The following LRRN4CL variants were observed in gnomAD, a reference collection of about 807,000 sequenced individuals.
LRRN4CL encodes the protein LRRN4 C-terminal-like protein.
For missense variants in LRRN4CL, 348 were observed against 336.4 expected, an observed-to-expected ratio of 1.03 and a Z score of -0.27; for synonymous variants, 156 against 154.1, an observed-to-expected ratio of 1.01 and a Z score of -0.09.
Position 62,687,690 on chromosome 11 carries a change from C to T in LRRN4CL, c.*102G>A, listed in dbSNP as rs900271863. 2.9e-6 allele frequency: 3 copies of T among 1,031,936 alleles called. No homozygotes were observed. The highest frequency in any genetic ancestry group is 3.9e-6 in the Non-Finnish European group (3 of 776,572). 63.9% of individuals were successfully genotyped at this position (1,031,936 alleles called of 1,614,324 possible). ...AGCCTGGGGCTGGCTCCCAGCTCGCCGTCCAGCCCTCCCTGGAGGCAGCGG... is the reference window on the plus strand; with the variant it reads ...AGCCTGGGGCTGGCTCCCAGCTCGCTGTCCAGCCCTCCCTGGAGGCAGCGG... On this transcript the variant is annotated 3_prime_UTR_variant, in exon 2 of 2. Transcript: ENST00000317449.
Position 62,688,031 on chromosome 11 carries a change from C to A in LRRN4CL, c.478G>T (p.Gly160Trp), listed in dbSNP as rs1294784510. Residue 160 changes from glycine to tryptophan, a missense_variant, in exon 2 of 2, where the codon GGG becomes TGG. Transcript: ENST00000317449. ...VVCVVAANEAGASRVPQAGGE... is the reference protein window; with the variant it reads ...VVCVVAANEAWASRVPQAGGE... The stretch of plus-strand genomic sequence containing the variant: ...CCAGCCTGGGGCACGCGGCTTGCCC[C>A]GGCCTCGTTAGCGGCCACTACGCAA... 6.2e-7 allele frequency: 1 copy of A among 1,612,478 alleles called. No individual in the cohort carries two copies. The highest frequency in any genetic ancestry group is 8.5e-7 in the Non-Finnish European group (1 of 1,179,842).
In LRRN4CL at chr11:62,688,278, G is replaced by A; in HGVS notation, c.231C>T (p.Ser77=). The change falls in exon 2 of 2, where the codon TCC becomes TCT. Residue 77 remains serine, a synonymous_variant. Coordinates refer to ENST00000317449, the MANE Select transcript of LRRN4CL (RefSeq NM_203422.4). ...GPAACLCPGL[S]SPAQPPDPPR... ...GCGGGTCGGGCGGCTGGGCGGGGCT[G>A]GAGAGTCCTGGGCACAGGCAGGCCG... The A allele has an allele frequency of 6.2e-7, 1 of 1,609,494 alleles. No individual in the cohort carries two copies.
At chr11:62,689,201 T>C (rs1244402641) in intron 1 of LRRN4CL, among the ~76,000 whole-genome samples, 1 of 151,870 alleles carries the variant, frequency 6.6e-6, no homozygotes, top group African/African-American at 2.4e-5. Flanking sequence ...AACAAAAACA[T>C]GTATCCGTCA....
rs1000210611 is a variant in LRRN4CL, at chr11:62,687,734, G to A, written c.*58C>T. On this transcript the variant is annotated 3_prime_UTR_variant, in exon 2 of 2. Transcript: ENST00000317449. ...GCAGCGGGTTTTCCTCTTTCCCGGG[G>A]GCCAGGCTGAGCGCCCCAGGTGGGG... 4.0e-5 allele frequency: 52 copies of A among 1,312,510 alleles called. No individual in the cohort carries two copies. Among genetic ancestry groups the A allele is most frequent in the Non-Finnish European group, 4.8e-5 (49 of 1,024,830 alleles). The allele number at this position is 1,312,510 out of a possible 1,614,324, so 81.3% of individuals were successfully genotyped here.
In LRRN4CL at chr11:62,688,134, C is replaced by T. The variant is rs1027433943; in HGVS notation, c.375G>A (p.Ala125=). 6.2e-7 allele frequency: 1 copy of T among 1,612,338 alleles called. No homozygotes were observed. The highest frequency in any genetic ancestry group is 8.5e-7 in the Non-Finnish European group (1 of 1,179,760). The part of the protein sequence containing the change: ...WLLLWDGSEA[A]QKGPPLNATV... ...TAGCGTTCAGCGGGGGCCCCTTCTG[C>T]GCAGCCTCGCTGCCGTCCCAAAGCA... Residue 125 remains alanine, a synonymous_variant, in exon 2 of 2, where the codon GCG becomes GCA. Transcript: ENST00000317449.
rs1251354424 is a variant in LRRN4CL, at chr11:62,687,374, T to C, written c.*418A>G. ...GACTCCAACTCCTGGGCTCAAGAGA[T>C]CCTCCCATTTCAGCCTCTGGAGTAG... is the stretch of plus-strand genomic sequence containing the variant. On this transcript the variant is annotated 3_prime_UTR_variant, in exon 2 of 2. Coordinates refer to ENST00000317449, the MANE Select transcript of LRRN4CL (RefSeq NM_203422.4). The C allele has an allele frequency of 5.9e-6, 1 of 170,306 alleles. No homozygotes were observed. The highest frequency in any genetic ancestry group is 1.2e-5 in the Non-Finnish European group (1 of 80,904). The allele number at this position is 170,306 out of a possible 1,614,324, so 10.5% of individuals were successfully genotyped here. A position where few individuals can be genotyped will look rare whatever the true frequency, so the allele number is the denominator to read the frequency against.
chr11:62,687,583 C>T lies in LRRN4CL; in HGVS notation c.*209G>A. 1 of 423,052 alleles carries T rather than the reference C, an allele frequency of 2.4e-6. No homozygotes were observed. 26.2% of individuals were successfully genotyped at this position (423,052 alleles called of 1,614,324 possible). Reference sequence around the variant, plus strand: ...GGGCCCCTTTCTATTCCTTCCCAGACCTCAGCCAGGAAACAAAGCGCCAAG... The same window carrying T: ...GGGCCCCTTTCTATTCCTTCCCAGATCTCAGCCAGGAAACAAAGCGCCAAG... On this transcript the variant is annotated 3_prime_UTR_variant, in exon 2 of 2. Transcript: ENST00000317449.
In LRRN4CL at chr11:62,688,073, C is replaced by CT; in HGVS notation, c.435dup (p.Gly146ArgfsTer12). 6.2e-7 allele frequency: 1 copy of CT among 1,612,710 alleles called. No individual in the cohort carries two copies. The highest frequency in any genetic ancestry group is 8.5e-7 in the Non-Finnish European group (1 of 1,179,882). ...ACTACGCAAACGACATAAATGCCCC[C>CT]TGGCTTCAGCCCCTTCAGTTCGGCT... On this transcript the variant is annotated frameshift_variant, in exon 2 of 2. Coordinates refer to ENST00000317449, the MANE Select transcript of LRRN4CL (RefSeq NM_203422.4). LOFTEE classifies it low-confidence loss of function (END_TRUNC).
rs1357923114 is a variant in LRRN4CL at position 62,689,444 on chromosome 11, TGCA to T, written c.-26_-24del. On this transcript the variant is annotated 5_prime_UTR_variant, in exon 1 of 2. Coordinates refer to ENST00000317449, the MANE Select transcript of LRRN4CL (RefSeq NM_203422.4). ...CTCCTCACCAGTGGGTAGGCCTTGA[TGCA>T]GCGGGAATCCACCAGCTGACGTCTG... 6.6e-6 allele frequency: 1 copy of T among 152,574 alleles called. No individual in the cohort carries two copies. The highest frequency in any genetic ancestry group is 2.4e-5 in the African/African-American group (1 of 41,454). 9.5% of individuals were successfully genotyped at this position (152,574 alleles called of 1,614,324 possible). A position where few individuals can be genotyped will look rare whatever the true frequency, so the allele number is the denominator to read the frequency against.
Position 62,688,291 on chromosome 11 carries a change from C to A in LRRN4CL, c.218G>T (p.Cys73Phe), listed in dbSNP as rs1283613062. The A allele has an allele frequency of 6.2e-7, 1 of 1,609,082 alleles. No individual in the cohort carries two copies. The highest frequency in any genetic ancestry group is 8.5e-7 in the Non-Finnish European group (1 of 1,179,092). ...LQRVGPAACL[C>F]PGLSSPAQPP... ...CTGGGCGGGGCTGGAGAGTCCTGGG[C>A]ACAGGCAGGCCGCCGGCCCGACCCT... The change falls in exon 2 of 2, where the codon TGC becomes TTC. Residue 73 changes from cysteine (C) to phenylalanine (F), a missense_variant. Coordinates refer to ENST00000317449, the MANE Select transcript of LRRN4CL (RefSeq NM_203422.4).
chr11:62,688,151 C>A lies in LRRN4CL; in HGVS notation c.358G>T (p.Asp120Tyr), dbSNP rs765394466. 1 of 1,612,386 alleles carries A rather than the reference C, an allele frequency of 6.2e-7. No homozygotes were observed. Among genetic ancestry groups the A allele is most frequent in the Admixed American group, 1.7e-5 (1 of 59,984 alleles). Reference protein sequence around the residue: ...PVLHYWLLLWDGSEAAQKGPP... With the variant: ...PVLHYWLLLWYGSEAAQKGPP... The stretch of plus-strand genomic sequence containing the variant: ...CCCTTCTGCGCAGCCTCGCTGCCGT[C>A]CCAAAGCAGCAGCCAGTAGTGGAGG... The change falls in exon 2 of 2, where the codon GAC becomes TAC. Residue 120 changes from aspartate to tyrosine, a missense_variant. Transcript: ENST00000317449.
At position 62,686,504 on chromosome 11, in the gene LRRN4CL, T is replaced by C. The variant is rs1485549205; in HGVS notation, c.*1288A>G. On this transcript the variant is annotated 3_prime_UTR_variant, in exon 2 of 2. Coordinates refer to ENST00000317449, the MANE Select transcript of LRRN4CL (RefSeq NM_203422.4). ...AGATTCCTTGGTATTACTGTCGTTT[T>C]TGTTTTGTTTTACCTAGCAAGAATA... 3 of 152,102 alleles carry C rather than the reference T, an allele frequency of 2.0e-5. No individual in the cohort carries two copies. The highest frequency in any genetic ancestry group is 2.9e-5 in the Non-Finnish European group (2 of 68,038). The allele number at this position is 152,102 out of a possible 1,614,324, so 9.4% of individuals were successfully genotyped here.
chr11:62,687,634 C>G lies in LRRN4CL; in HGVS notation c.*158G>C, dbSNP rs181153199. On this transcript the variant is annotated 3_prime_UTR_variant, in exon 2 of 2. Coordinates refer to ENST00000317449, the MANE Select transcript of LRRN4CL (RefSeq NM_203422.4). ...TACCGGACCTAAACAAGCGCTCAGT[C>G]CTGAGAACCATGACTCCGCCGTGGC... 2.2e-4 allele frequency: 125 copies of G among 571,466 alleles called. No individual in the cohort carries two copies. Among genetic ancestry groups the G allele is most frequent in the Middle Eastern group, 1.9e-3 (4 of 2,110 alleles). 35.4% of individuals were successfully genotyped at this position (571,466 alleles called of 1,614,324 possible). A position where few individuals can be genotyped will look rare whatever the true frequency, so the allele number is the denominator to read the frequency against.
chr11:62,688,355 G>A lies in LRRN4CL; in HGVS notation c.154C>T (p.His52Tyr), dbSNP rs1565140846. 1 of 1,608,044 alleles carries A rather than the reference G, an allele frequency of 6.2e-7. No individual in the cohort carries two copies. Among genetic ancestry groups the A allele is most frequent in the Non-Finnish European group, 8.5e-7 (1 of 1,179,998 alleles). The change falls in exon 2 of 2, where the codon CAC becomes TAC. Residue 52 changes from histidine (H) to tyrosine (Y), a missense_variant. His to Tyr is a moderately conservative substitution (Grantham distance 83). Transcript: ENST00000317449. ...CAGGGCACCTGCAGGTGTCGGCAGT[G>A]GTCGTAGTCGCAGGGGACAGCCGGC... ...PLPAVPCDYDHCRHLQVPCKE... is the reference protein window; with the variant it reads ...PLPAVPCDYDYCRHLQVPCKE...
Position 62,687,867 on chromosome 11 carries a change from C to G in LRRN4CL, c.642G>C (p.Leu214=), listed in dbSNP as rs1945215575. ...GATCGCGCAGGCAGAAGTGCCACAC[C>G]AGGGCGGCACAGCTTAGCAGGGCCA... ...TALALLSCAA[L]VWHFCLRDRW... The change falls in exon 2 of 2, where the codon CTG becomes CTC. Residue 214 remains leucine, a synonymous_variant. Transcript: ENST00000317449. 2 of 1,440,314 alleles carry G rather than the reference C, an allele frequency of 1.4e-6. No homozygotes were observed. The highest frequency in any genetic ancestry group is 1.8e-6 in the Non-Finnish European group (2 of 1,103,050). The allele number at this position is 1,440,314 out of a possible 1,614,324, so 89.2% of individuals were successfully genotyped here.
rs138082938 is a variant in LRRN4CL at position 62,688,413 on chromosome 11, C to T, written c.96G>A (p.Glu32=). The T allele has an allele frequency of 1.7e-3, 2,658 of 1,602,018 alleles. 6 individuals are homozygous for T. The highest frequency in any genetic ancestry group is 2.1e-3 in the Non-Finnish European group (2,452 of 1,179,978). The stretch of plus-strand genomic sequence containing the variant: ...GCCACGCCGTCTCAGTCTCATCTGC[C>T]TCCTCTTCTTCAAAGTCTTGAGGGG... ...PLAPQDFEEE[E]ADETETAWPP... The change falls in exon 2 of 2, where the codon GAG becomes GAA. Residue 32 remains glutamate, a synonymous_variant. Transcript: ENST00000317449.
rs1176941369 is a variant in LRRN4CL, at chr11:62,688,157, G to A, written c.352C>T (p.Leu118Phe). 1.2e-6 allele frequency: 2 copies of A among 1,612,316 alleles called. No homozygotes were observed. Among genetic ancestry groups the A allele is most frequent in the Non-Finnish European group, 8.5e-7 (1 of 1,179,798 alleles). ...FSPVLHYWLL[L>F]WDGSEAAQKG... is the part of the protein sequence containing the mutation. Reference sequence around the variant, plus strand: ...TGCGCAGCCTCGCTGCCGTCCCAAAGCAGCAGCCAGTAGTGGAGGACCGGG... The same window carrying A: ...TGCGCAGCCTCGCTGCCGTCCCAAAACAGCAGCCAGTAGTGGAGGACCGGG... The change falls in exon 2 of 2, where the codon CTT (leucine) becomes TTT (phenylalanine). Residue 118 changes from leucine to phenylalanine, a missense_variant. Coordinates refer to ENST00000317449, the MANE Select transcript of LRRN4CL (RefSeq NM_203422.4).
rs181153199 is a variant in LRRN4CL, at chr11:62,687,634, C to T, written c.*158G>A. Reference sequence around the variant, plus strand: ...TACCGGACCTAAACAAGCGCTCAGTCCTGAGAACCATGACTCCGCCGTGGC... The same window carrying T: ...TACCGGACCTAAACAAGCGCTCAGTTCTGAGAACCATGACTCCGCCGTGGC... On this transcript the variant is annotated 3_prime_UTR_variant, in exon 2 of 2. Coordinates refer to ENST00000317449, the MANE Select transcript of LRRN4CL (RefSeq NM_203422.4). 918 of 571,466 alleles carry T rather than the reference C, an allele frequency of 1.6e-3. 1 individual carries two copies. The highest frequency in any genetic ancestry group is 2.2e-3 in the Non-Finnish European group (784 of 360,842). 35.4% of individuals were successfully genotyped at this position (571,466 alleles called of 1,614,324 possible). A position where few individuals can be genotyped will look rare whatever the true frequency, so the allele number is the denominator to read the frequency against.
At position 62,687,888 on chromosome 11, in the gene LRRN4CL, G is replaced by T. The variant is rs1174734089; in HGVS notation, c.621C>A (p.Ala207=). The stretch of plus-strand genomic sequence containing the variant: ...ACACCAGGGCGGCACAGCTTAGCAG[G>T]GCCAGGGCCGTGCCCACCCCGACGG... ...HAAVGVGTAL[A]LLSCAALVWH... Residue 207 remains alanine, a synonymous_variant, in exon 2 of 2, where the codon GCC becomes GCA. Coordinates refer to ENST00000317449, the MANE Select transcript of LRRN4CL (RefSeq NM_203422.4). The T allele has an allele frequency of 8.8e-6, 13 of 1,483,260 alleles. No homozygotes were observed. Among genetic ancestry groups the T allele is most frequent in the Non-Finnish European group, 1.1e-5 (12 of 1,119,624 alleles). The allele number at this position is 1,483,260 out of a possible 1,614,324, so 91.9% of individuals were successfully genotyped here.
Sources: gnomAD v4.1 joint callset for allele counts (sites outside exome capture counted in the v4.1 genomes callset) on GRCh38, gnomAD v4.1.1 for gene constraint, MANE v1.5 for transcripts, NCBI Gene and HGNC (gene_info 2026-07-23, HGNC 2026-07-21) for gene names.